The following CLSTN2 variants were observed in gnomAD, a reference collection of about 807,000 sequenced individuals.
The protein encoded by CLSTN2 is calsyntenin-2.
CLSTN2 carries 48 observed loss-of-function variants against 101.2 expected under a neutral mutation model. That is an observed-to-expected ratio of 0.47 (90% CI 0.38 to 0.60). The LOEUF (loss-of-function observed/expected upper bound fraction) is 0.60. Ranked by LOEUF, CLSTN2 falls within the 20% of genes least tolerant of loss-of-function variation. The pLI is 0.00. For missense variants in CLSTN2, 1,160 were observed against 1,238.2 expected (o/e 0.94, Z 0.95); for synonymous variants, 481 against 463.6 (o/e 1.04, Z -0.48).
At chr3:140,353,366 CTG>C (rs1295164292) in intron 2 of CLSTN2, among the ~76,000 whole-genome samples, 1 of 151,954 alleles carries the variant, frequency 6.6e-6, no homozygotes, top group Non-Finnish European at 1.5e-5. Context: ...ACTGAAGAAA[CTG>C]GAGTCCGATG....
At chr3:140,388,131 C>T (rs1261090181) in intron 2 of CLSTN2, among the ~76,000 whole-genome samples, 1 of 152,190 alleles carries the variant, frequency 6.6e-6, no homozygotes, top group Non-Finnish European at 1.5e-5. Context: ...CATAAGAAAC[C>T]CACTACAGGC....
intron 1 of CLSTN2, among the ~76,000 whole-genome samples, chr3:139,963,115 G>T (rs1483778145): frequency 6.6e-6 from 1 of 152,140 alleles, no homozygotes; most frequent in Non-Finnish European, 1.5e-5. Flanking sequence ...GGGGGGCAGA[G>T]ACCCCTTTCT....
chr3:140,406,805 G>C (rs913863393), intron 4 of CLSTN2, among the ~76,000 whole-genome samples: 4 of 152,364 alleles, frequency 2.6e-5, no homozygotes, highest in Non-Finnish European at 5.9e-5. Flanking sequence ...TGTGCTCAGT[G>C]GTCAAGCTCT....
chr3:140,176,154 C>T, intron 2 of CLSTN2, 81 bp downstream of exon 2: 8 of 1,502,632 alleles, frequency 5.3e-6, no homozygotes, highest in South Asian at 4.9e-5. Flanking sequence ...CAGAATATGG[C>T]TTTATAGCTA....
intron 2 of CLSTN2, among the ~76,000 whole-genome samples, chr3:140,310,696 C>T (rs985481678): frequency 1.3e-5 from 2 of 152,198 alleles, no homozygotes; most frequent in East Asian, 3.8e-4. Flanking sequence ...ATTCACTCCA[C>T]TCTCCTCTAC....
chr3:140,443,352 G>T (rs1180686776), intron 5 of CLSTN2, among the ~76,000 whole-genome samples: 1 of 152,262 alleles, frequency 6.6e-6, no homozygotes, highest in Non-Finnish European at 1.5e-5. Context: ...CAAAGCCTAT[G>T]CTTTCCAGAA....
chr3:140,398,944 G>T (rs996921690), intron 2 of CLSTN2, among the ~76,000 whole-genome samples: 1 of 152,186 alleles, frequency 6.6e-6, no homozygotes, highest in Non-Finnish European at 1.5e-5. Flanking sequence ...GTCCGGAGTG[G>T]TCATGTCTCA....
At chr3:140,150,780 C>A (rs2009852963) in intron 1 of CLSTN2, among the ~76,000 whole-genome samples, 1 of 152,064 alleles carries the variant, frequency 6.6e-6, no homozygotes, top group Non-Finnish European at 1.5e-5. Context: ...CCCAAGGGGA[C>A]ACCTAAATAA....
At chr3:140,316,909 T>C (rs1027405377) in intron 2 of CLSTN2, among the ~76,000 whole-genome samples, 17 of 152,224 alleles carry the variant, frequency 1.1e-4, no homozygotes, top group Non-Finnish European at 2.4e-4. Context: ...AGTTTTAAAC[T>C]CACTGTGAAT....
chr3:140,546,389 G>A (rs555636480), intron 9 of CLSTN2, 126 bp from the exon 10 acceptor site: 7 of 919,602 alleles, frequency 7.6e-6, no homozygotes, highest in East Asian at 5.1e-5. Flanking sequence ...TCATCACTCA[G>A]AAGGAAAAGC....
intron 5 of CLSTN2, among the ~76,000 whole-genome samples, chr3:140,443,818 G>A (rs756750440): frequency 2.0e-5 from 3 of 152,150 alleles, no homozygotes; most frequent in Admixed American, 6.5e-5. Flanking sequence ...ATAAGCCCAC[G>A]AGGGGATATA....
At chr3:140,249,210 C>T (rs1198680754) in intron 2 of CLSTN2, among the ~76,000 whole-genome samples, 3 of 152,120 alleles carry the variant, frequency 2.0e-5, no homozygotes, top group Non-Finnish European at 2.9e-5. Flanking sequence ...AGAGAGAGGC[C>T]GTCCTGTCCC....
At chr3:140,342,675 G>C (rs1303552092) in intron 2 of CLSTN2, among the ~76,000 whole-genome samples, 1 of 152,140 alleles carries the variant, frequency 6.6e-6, no homozygotes, top group Non-Finnish European at 1.5e-5. Flanking sequence ...CTCTGCTCCT[G>C]ATGTCTGGGG....
rs150165693 is a variant in CLSTN2 at position 140,367,828 on chromosome 3, C to A, written c.233-35801C>A. 2.8e-3 allele frequency among the ~76,000 whole-genome samples: 423 copies of A among 152,268 alleles called. 5 individuals are homozygous for A. Among genetic ancestry groups the A allele is most frequent in the African/African-American group, 9.8e-3 (406 of 41,558 alleles). ...TTGTAAACCATAATGGTAGTAGTTACCACATAGGGATGTTTGATTAAATTA... is the reference window on the plus strand; with the variant it reads ...TTGTAAACCATAATGGTAGTAGTTAACACATAGGGATGTTTGATTAAATTA... On this transcript the variant is annotated intron_variant, in intron 2 of 16. Coordinates refer to ENST00000458420, the MANE Select transcript of CLSTN2 (RefSeq NM_022131.3).
chr3:140,151,320 G>C (rs774631200), intron 1 of CLSTN2, among the ~76,000 whole-genome samples: 1 of 152,006 alleles, frequency 6.6e-6, no homozygotes, highest in Non-Finnish European at 1.5e-5. Context: ...AATCCCTTAA[G>C]ACCTCTGGGA....
chr3:140,554,308 A>C (rs1336063932), intron 10 of CLSTN2, among the ~76,000 whole-genome samples: 1 of 152,188 alleles, frequency 6.6e-6, no homozygotes, highest in Admixed American at 6.5e-5. Context: ...TGAGACATCC[A>C]ACTCCTGTTT....
At chr3:140,131,781 A>G (rs930306647) in intron 1 of CLSTN2, among the ~76,000 whole-genome samples, 1 of 152,090 alleles carries the variant, frequency 6.6e-6, no homozygotes, top group East Asian at 1.9e-4. Flanking sequence ...TTTGTGCTTT[A>G]GGGAGCTCAC....
intron 1 of CLSTN2, among the ~76,000 whole-genome samples, chr3:139,963,353 A>G (rs1450592579): frequency 6.6e-6 from 1 of 152,010 alleles, no homozygotes; most frequent in Non-Finnish European, 1.5e-5. Context: ...TCTCTTCAGT[A>G]CTTTATAATG....
At chr3:140,041,359 C>T (rs73226916) in intron 1 of CLSTN2, among the ~76,000 whole-genome samples, 17,531 of 151,902 alleles carry the variant, frequency 0.12, 1,256 homozygotes, top group South Asian at 0.24. Flanking sequence ...ACAGAGGGGT[C>T]AGCAGAAAAG....
Sources: gnomAD v4.1 joint callset for allele counts (sites outside exome capture counted in the v4.1 genomes callset) on GRCh38, gnomAD v4.1.1 for gene constraint, MANE v1.5 for transcripts, NCBI Gene and HGNC (gene_info 2026-07-23, HGNC 2026-07-21) for gene names.